Variants in RPTOR observed in about 807,000 individuals in gnomAD.
RPTOR encodes the protein regulatory associated protein of MTOR complex 1, also known as regulatory-associated protein of mTOR.
A neutral mutation model predicts 169.9 loss-of-function variants in RPTOR; 21 were observed. That is an observed-to-expected ratio of 0.12 (90% CI 0.09 to 0.18). The LOEUF (loss-of-function observed/expected upper bound fraction) is 0.18. Ranked by LOEUF, RPTOR falls within the 10% of genes least tolerant of loss-of-function variation. The pLI is 1.00. For synonymous variants in RPTOR, 732 were observed against 753.2 expected, an observed-to-expected ratio of 0.97 and a Z score of 0.46; for missense variants, 1,133 against 1,855.9, an observed-to-expected ratio of 0.61 and a Z score of 7.16.
In RPTOR at chr17:80,891,205, TC is replaced by T. The variant is rs1374548697; in HGVS notation, c.1984-512del. Among the ~76,000 whole-genome samples, 6 of 152,336 alleles carry T rather than the reference TC, an allele frequency of 3.9e-5. No homozygotes were observed. The South Asian group carries it at 6.2e-4, about 16-fold the overall frequency. On this transcript the variant is annotated intron_variant, in intron 17 of 33. Coordinates refer to ENST00000306801, the MANE Select transcript of RPTOR (RefSeq NM_020761.3). Reference sequence around the variant, plus strand: ...GTTTTAGTTCTACAACTTTTCCCGTTCCCTCTTAGGGACTAGAAACATCTAC... The same window carrying T: ...GTTTTAGTTCTACAACTTTTCCCGTTCCTCTTAGGGACTAGAAACATCTAC...
intron 1 of RPTOR, among the ~76,000 whole-genome samples, chr17:80,595,227 A>C (rs2065136447): frequency 6.6e-6 from 1 of 152,218 alleles, no homozygotes; most frequent in African/African-American, 2.4e-5. Context: ...AACAATGAGC[A>C]TGCAGATGGA....
intron 6 of RPTOR, among the ~76,000 whole-genome samples, chr17:80,784,499 C>A (rs1397538515): frequency 6.6e-6 from 1 of 152,026 alleles, no homozygotes; most frequent in East Asian, 1.9e-4. Context: ...TCAAGCAATT[C>A]TCCTGCCTCA....
chr17:80,855,681 G>C, intron 12 of RPTOR, 134 bp downstream of exon 12: 3 of 708,816 alleles, frequency 4.2e-6, no homozygotes, highest in Middle Eastern at 3.9e-4. Context: ...TGTGTCCACC[G>C]TGTTGGTGTC....
intron 5 of RPTOR, among the ~76,000 whole-genome samples, chr17:80,742,588 G>T (rs1279854215): frequency 1.3e-5 from 2 of 151,034 alleles, no homozygotes; most frequent in Non-Finnish European, 2.9e-5. Flanking sequence ...AGACATATAT[G>T]CATATAGACA....
chr17:80,651,486 T>A lies in RPTOR; in HGVS notation c.348+7676T>A, dbSNP rs2065638857. ...GTGTTCACAAGGGCTTCTGTACAGC[T>A]CCCTCCCAAATGTCCGCGATTTACT... is the stretch of plus-strand genomic sequence containing the variant. On this transcript the variant is annotated intron_variant, in intron 3 of 33. Coordinates refer to ENST00000306801, the MANE Select transcript of RPTOR (RefSeq NM_020761.3). This position sits in a 1 kb window ranked among gnomAD's most constrained non-coding sequence, Gnocchi z 4.1. 6.6e-6 allele frequency among the ~76,000 whole-genome samples: 1 copy of A among 152,152 alleles called. No individual in the cohort carries two copies. The highest frequency in any genetic ancestry group is 1.5e-5 in the Non-Finnish European group (1 of 68,024).
At chr17:80,928,339 G>A (rs752482597) in intron 24 of RPTOR, among the ~76,000 whole-genome samples, 4 of 152,084 alleles carry the variant, frequency 2.6e-5, no homozygotes, top group East Asian at 1.9e-4. Context: ...TTTGTGTAAC[G>A]AGCTGCATTA....
chr17:80,844,557 A>G lies in RPTOR; in HGVS notation c.1213-1916A>G, dbSNP rs2067705176. ...GAATAATTCACACTTGAAAACAGGA[A>G]AATCACTCTGGGGGCTCCAAGCCAG... On this transcript the variant is annotated intron_variant, in intron 10 of 33. Transcript: ENST00000306801. This position sits in a 1 kb window ranked among gnomAD's most constrained non-coding sequence, Gnocchi z 4.7. 6.6e-6 allele frequency among the ~76,000 whole-genome samples: 1 copy of G among 152,190 alleles called. No individual in the cohort carries two copies. The highest frequency in any genetic ancestry group is 2.1e-4 in the South Asian group (1 of 4,830).
intron 6 of RPTOR, among the ~76,000 whole-genome samples, chr17:80,766,023 G>A (rs1326866069): frequency 6.6e-6 from 1 of 152,178 alleles, no homozygotes; most frequent in East Asian, 1.9e-4. Flanking sequence ...TACAGTAAGG[G>A]CCATCTAACA....
At chr17:80,808,440 C>T (rs1266336260) in intron 7 of RPTOR, among the ~76,000 whole-genome samples, 1 of 152,156 alleles carries the variant, frequency 6.6e-6, no homozygotes, top group African/African-American at 2.4e-5. Context: ...GAAACAAAAA[C>T]AGAGTACCCT....
At chr17:80,932,849 A>G (rs1476387314) in intron 24 of RPTOR, among the ~76,000 whole-genome samples, 1 of 152,186 alleles carries the variant, frequency 6.6e-6, no homozygotes, top group Non-Finnish European at 1.5e-5. Context: ...ACAGCTGGAC[A>G]CATATCTAAG....
chr17:80,622,039 A>T (rs944213408), intron 1 of RPTOR, among the ~76,000 whole-genome samples: 2 of 152,188 alleles, frequency 1.3e-5, no homozygotes, highest in Non-Finnish European at 2.9e-5. Context: ...TTTAAGGCCT[A>T]TTCTCTTTGC....
intron 13 of RPTOR, among the ~76,000 whole-genome samples, chr17:80,866,174 TATATATA>T (rs1383585935): frequency 1.7e-4 from 25 of 148,946 alleles, no homozygotes; most frequent in Admixed American, 9.4e-4. Flanking sequence ...TATAAGTATG[TATATATA>T]ATATATAATA....
At chr17:80,689,639 C>G (rs2065974570) in intron 3 of RPTOR, among the ~76,000 whole-genome samples, 1 of 152,238 alleles carries the variant, frequency 6.6e-6, no homozygotes, top group Non-Finnish European at 1.5e-5. Flanking sequence ...GGAGGCCATT[C>G]ATAGGCTGAT....
chr17:80,962,399 C>T (rs2069355202), intron 31 of RPTOR, 62 bp from the exon 32 acceptor site: 7 of 1,389,138 alleles, frequency 5.0e-6, no homozygotes, highest in Non-Finnish European at 7.1e-6. Context: ...TCCACCGTCC[C>T]CCTGGCCAGG....
Position 80,921,069 on chromosome 17 carries a change from G to A in RPTOR, c.2521-1655G>A, listed in dbSNP as rs117472624. On this transcript the variant is annotated intron_variant, in intron 21 of 33. Transcript: ENST00000306801. Reference sequence around the variant, plus strand: ...CGTTTTGAAGGAAAGGACAATCTGGGAAGCGTGGGTGTTACATGAGTGAAG... The same window carrying A: ...CGTTTTGAAGGAAAGGACAATCTGGAAAGCGTGGGTGTTACATGAGTGAAG... Among the ~76,000 whole-genome samples, 167 of 152,352 alleles carry A rather than the reference G, an allele frequency of 1.1e-3. No homozygotes were observed. In the Middle Eastern group the frequency reaches 0.014, roughly 12 times the overall value.
intron 13 of RPTOR, among the ~76,000 whole-genome samples, chr17:80,868,023 A>G (rs761997218): frequency 2.6e-5 from 4 of 152,234 alleles, no homozygotes; most frequent in Non-Finnish European, 5.9e-5. Context: ...CTGTAAATCC[A>G]CAGTACTCAA....
rs1164461444 is a variant in RPTOR, at chr17:80,685,602, C to CATATATATAT, written c.349-22222_349-22213dup. Reference sequence around the variant, plus strand: ...ATTTTTGTATATTCAGGGCCATTTCCATATATATATATATATATATATATA... The same window carrying CATATATATAT: ...ATTTTTGTATATTCAGGGCCATTTCCATATATATATATATATATATATATATATATATATA... On this transcript the variant is annotated intron_variant, in intron 3 of 33. Transcript: ENST00000306801. Among the ~76,000 whole-genome samples, 91 of 34,452 alleles carry CATATATATAT rather than the reference C, an allele frequency of 2.6e-3. 1 individual carries two copies. The highest frequency in any genetic ancestry group is 2.9e-3 in the Non-Finnish European group (60 of 20,536). The allele number at this position is 34,452 out of a possible 152,430, so 22.6% of individuals were successfully genotyped here.
chr17:80,836,359 C>T (rs945858042), intron 9 of RPTOR, among the ~76,000 whole-genome samples: 6 of 152,246 alleles, frequency 3.9e-5, no homozygotes, highest in Non-Finnish European at 8.8e-5. Flanking sequence ...ATATTGAAAG[C>T]CTGCTATGTG....
chr17:80,731,476 G>A (rs142580383), intron 5 of RPTOR, among the ~76,000 whole-genome samples: 1 of 151,960 alleles, frequency 6.6e-6, no homozygotes, highest in Non-Finnish European at 1.5e-5. Flanking sequence ...CTGTTGTAGC[G>A]CCCACTTCAA....
Sources: allele counts gnomAD v4.1 joint callset (sites outside exome capture counted in the v4.1 genomes callset), GRCh38; gene constraint gnomAD v4.1.1; non-coding constraint Gnocchi (gnomAD v3.1); transcripts MANE v1.5; gene names NCBI Gene and HGNC (gene_info 2026-07-23, HGNC 2026-07-21).